The following TRAK1 variants were observed in gnomAD, a reference collection of about 807,000 sequenced individuals.
TRAK1 encodes the protein trafficking kinesin protein 1, also known as trafficking kinesin-binding protein 1.
TRAK1 carries 33 observed loss-of-function variants against 92.1 expected under a neutral mutation model. The ratio of observed to expected loss-of-function variants is 0.36; its 90% CI spans 0.27 to 0.48. The LOEUF is 0.48. Among genes scored for constraint, TRAK1 ranks in the 20% least tolerant of loss-of-function variants. The probability of loss-of-function intolerance (pLI) is 0.99; values close to 1 mark genes in which losing one functional copy is unlikely to be tolerated. For synonymous variants in TRAK1, 521 were observed against 517.3 expected, an observed-to-expected ratio of 1.01 and a Z score of -0.10; for missense variants, 1,123 against 1,257.9, an observed-to-expected ratio of 0.89 and a Z score of 1.62.
chr3:42,060,831 A>G (rs1703405561), intron 1 of TRAK1, among the ~76,000 whole-genome samples: 1 of 151,944 alleles, frequency 6.6e-6, no homozygotes, highest in Admixed American at 6.6e-5. Flanking sequence ...GAGTTTCGCC[A>G]TGTTGGCCAG....
chr3:42,046,939 G>A (rs1702773600), intron 1 of TRAK1, among the ~76,000 whole-genome samples: 1 of 152,016 alleles, frequency 6.6e-6, no homozygotes, highest in East Asian at 1.9e-4. Flanking sequence ...TTTAAATTAG[G>A]ATGGCCTCAA....
intron 14 of TRAK1, chr3:42,218,803 G>A (rs972212719): frequency 7.1e-6 from 7 of 985,336 alleles, no homozygotes; most frequent in Non-Finnish European, 8.4e-6. Flanking sequence ...TAGCAGCTAG[G>A]GGGTATGGGG....
At chr3:42,066,444 A>AGC (rs1167226139) in intron 1 of TRAK1, among the ~76,000 whole-genome samples, 3 of 151,730 alleles carry the variant, frequency 2.0e-5, no homozygotes, top group Non-Finnish European at 4.4e-5. Flanking sequence ...AGAGAGAGAG[A>AGC]GCACCCAGCG....
intron 1 of TRAK1, among the ~76,000 whole-genome samples, chr3:42,111,596 T>C (rs1326763410): frequency 2.6e-5 from 4 of 152,086 alleles, no homozygotes; most frequent in African/African-American, 9.7e-5. Flanking sequence ...GGGGTTTCAC[T>C]GTGTTAGCCA....
chr3:42,115,199 T>C (rs1709017872), intron 1 of TRAK1, among the ~76,000 whole-genome samples: 1 of 152,234 alleles, frequency 6.6e-6, no homozygotes, highest in South Asian at 2.1e-4. Flanking sequence ...TTGTGTACAA[T>C]TTTTGCTTTG....
At chr3:42,076,324 C>A (rs910905772) in intron 1 of TRAK1, among the ~76,000 whole-genome samples, 4 of 133,534 alleles carry the variant, frequency 3.0e-5, no homozygotes, top group African/African-American at 1.1e-4. Flanking sequence ...CTTCTGTGTT[C>A]ATGTGATTCT....
At chr3:42,081,077 A>C (rs915057928) in intron 1 of TRAK1, among the ~76,000 whole-genome samples, 1 of 152,042 alleles carries the variant, frequency 6.6e-6, no homozygotes, top group South Asian at 2.1e-4. Context: ...GGGTTCCACC[A>C]TGTTGCCCAG....
chr3:42,065,604 C>T (rs987925864), intron 1 of TRAK1, among the ~76,000 whole-genome samples: 8 of 151,944 alleles, frequency 5.3e-5, no homozygotes, highest in African/African-American at 1.9e-4. Flanking sequence ...ATAATTGGGC[C>T]ACAGAATTGT....
intron 2 of TRAK1, among the ~76,000 whole-genome samples, chr3:42,155,104 A>G (rs1274914984): frequency 6.6e-6 from 1 of 152,086 alleles, no homozygotes; most frequent in African/African-American, 2.4e-5. Context: ...CAAAGAAATA[A>G]GAGTCAAAGA....
chr3:42,202,559 G>A lies in TRAK1; in HGVS notation c.1551G>A (p.Glu517=), dbSNP rs139748722. ...ENYLSERRFF[E]EEQERKLQEL... is the part of the protein sequence containing the mutation. ...ACCTCTCGGAGAGGAGGTTCTTTGA[G>A]GAGGAGCAAGAGAGGAAGCTCCAGG... is the stretch of plus-strand genomic sequence containing the variant. Residue 517 remains glutamate, a synonymous_variant, in exon 13 of 16, where the codon GAG becomes GAA. Coordinates refer to ENST00000327628, the MANE Select transcript of TRAK1 (RefSeq NM_001042646.3). The surrounding 1 kb of genome is among the most constrained non-coding windows in gnomAD (Gnocchi z 6.1). 6.5e-4 allele frequency: 1,032 copies of A among 1,580,476 alleles called. 6 individuals are homozygous for A. The African/African-American group carries it at 0.012, about 19-fold the overall frequency.
chr3:42,050,592 A>G (rs1186874470), intron 1 of TRAK1, among the ~76,000 whole-genome samples: 2 of 152,150 alleles, frequency 1.3e-5, no homozygotes, highest in African/African-American at 4.8e-5. Flanking sequence ...TCTTCCAAAA[A>G]TCTGTCAAAA....
chr3:42,191,472 T>A (rs1576909467), intron 6 of TRAK1, 86 bp from the exon 7 acceptor site: 1 of 1,244,690 alleles, frequency 8.0e-7, no homozygotes, highest in South Asian at 1.4e-5. Context: ...CAGACCCCAG[T>A]TAGCCTTTGC....
chr3:42,174,868 C>G (rs920294230), intron 2 of TRAK1, among the ~76,000 whole-genome samples: 13 of 151,686 alleles, frequency 8.6e-5, no homozygotes, highest in African/African-American at 2.9e-4. Context: ...CACCCGGCCC[C>G]CTCTGTGTTA....
chr3:42,189,064 G>C lies in TRAK1; in HGVS notation c.630G>C (p.Leu210Phe). 6.2e-7 allele frequency: 1 copy of C among 1,614,170 alleles called. No homozygotes were observed. The highest frequency in any genetic ancestry group is 8.5e-7 in the Non-Finnish European group (1 of 1,180,006). The change falls in exon 6 of 16, where the codon TTG becomes TTC. Residue 210 changes from leucine (L) to phenylalanine (F), a missense_variant. Leu to Phe is a conservative substitution (Grantham distance 22, BLOSUM62 0). Around this residue, in one of 3 missense-constraint regions of TRAK1, gnomAD observed 686 missense variants for 747.6 expected, o/e 0.92. Coordinates refer to ENST00000327628, the MANE Select transcript of TRAK1 (RefSeq NM_001042646.3). ...CCTCAGTCCAGAATTACTTTCATTT[G>C]GATTCTCTTCAAAAGAAGCTGAAAG... The part of the protein sequence containing the change: ...SSSSVQNYFH[L>F]DSLQKKLKDL...
At chr3:42,017,131 T>A (rs1194005162) in intron 1 of TRAK1, among the ~76,000 whole-genome samples, 1 of 152,162 alleles carries the variant, frequency 6.6e-6, no homozygotes, top group Non-Finnish European at 1.5e-5. Context: ...CGTGGCAGCA[T>A]GCGTGTGTAA....
chr3:42,065,442 A>G (rs1703636855), intron 1 of TRAK1, among the ~76,000 whole-genome samples: 1 of 152,072 alleles, frequency 6.6e-6, no homozygotes. Context: ...TTTCCTTTCA[A>G]CACCATGCCA....
intron 1 of TRAK1, among the ~76,000 whole-genome samples, chr3:42,015,106 A>T (rs1217833034): frequency 2.0e-5 from 3 of 152,022 alleles, no homozygotes; most frequent in Non-Finnish European, 4.4e-5. Context: ...ACAGGCTGGG[A>T]GCTTGACTGG....
intron 1 of TRAK1, among the ~76,000 whole-genome samples, chr3:42,017,267 A>AAAACAAAAC (rs1226707385): frequency 6.6e-6 from 1 of 152,182 alleles, no homozygotes; most frequent in African/African-American, 2.4e-5. Context: ...TCTCAAAAAC[A>AAAACAAAAC]AAACAAAACA....
At chr3:42,128,976 A>G (rs1486802993) in intron 2 of TRAK1, among the ~76,000 whole-genome samples, 2 of 152,214 alleles carry the variant, frequency 1.3e-5, no homozygotes, top group African/African-American at 4.8e-5. Flanking sequence ...ATCAGATATC[A>G]CAGCCTTTTT....
Sources: gnomAD v4.1 joint callset for allele counts (sites outside exome capture counted in the v4.1 genomes callset) on GRCh38, gnomAD v4.1.1 for gene constraint, gnomAD v4.1.1 regional missense constraint, Gnocchi (gnomAD v3.1) non-coding constraint, MANE v1.5 for transcripts, NCBI Gene and HGNC (gene_info 2026-07-23, HGNC 2026-07-21) for gene names.